Variants in CINP observed in about 807,000 individuals in gnomAD.
CINP encodes the protein cyclin-dependent kinase 2-interacting protein.
In CINP, 11 loss-of-function variants were observed where a neutral mutation model predicts 20.5. The ratio of observed to expected loss-of-function variants is 0.54; its 90% CI spans 0.34 to 0.89. The LOEUF (loss-of-function observed/expected upper bound fraction) is 0.89, where lower values mean the gene tolerates loss of function less well. CINP is among the 40% of genes least tolerant of loss of function. CINP has a pLI of 0.02. For missense variants in CINP, 213 were observed against 251.0 expected, an observed-to-expected ratio of 0.85 and a Z score of 1.02; for synonymous variants, 108 against 102.1, an observed-to-expected ratio of 1.06 and a Z score of -0.35.
At chr14:102,350,639 C>T (rs983796944) in intron 3 of CINP, among the ~76,000 whole-genome samples, 10 of 151,540 alleles carry the variant, frequency 6.6e-5, no homozygotes, top group Admixed American at 3.9e-4. Context: ...TACAGGCATG[C>T]GCCACCGCGC....
chr14:102,353,453 C>T (rs1886919241), intron 3 of CINP, among the ~76,000 whole-genome samples: 1 of 150,204 alleles, frequency 6.7e-6, no homozygotes, highest in Non-Finnish European at 1.5e-5. Context: ...GGTGGGAGCA[C>T]TGCTTGAGCC....
intron 1 of CINP, among the ~76,000 whole-genome samples, chr14:102,362,421 A>G (rs946742739): frequency 3.9e-5 from 6 of 152,156 alleles, no homozygotes; most frequent in African/African-American, 1.2e-4. Context: ...AGCAGTACTC[A>G]GCAAACTGAG....
At chr14:102,353,089 A>G (rs903001538) in intron 3 of CINP, among the ~76,000 whole-genome samples, 2 of 151,406 alleles carry the variant, frequency 1.3e-5, no homozygotes, top group East Asian at 2.0e-4. Context: ...GTGGGCAGAG[A>G]TCACCCCACT....
intron 3 of CINP, chr14:102,352,420 T>G: frequency 2.2e-6 from 1 of 449,062 alleles, no homozygotes; most frequent in Non-Finnish European, 4.5e-6. Flanking sequence ...GGCCCTTACA[T>G]TTCAACATCG....
In CINP at chr14:102,359,596, G is replaced by GTATA. The variant is rs759890397; in HGVS notation, c.8-13_8-10dup. ...AGTTCCAAGAGTCTTTGCTGATAGGGTATAAAAGAAACAAAATTATTATCA... is the reference window on the plus strand; with the variant it reads ...AGTTCCAAGAGTCTTTGCTGATAGGGTATATATAAAAGAAACAAAATTATTATCA... On this transcript the variant is annotated splice_polypyrimidine_tract_variant and intron_variant, in intron 1 of 4. Transcript: ENST00000216756. 20 of 1,593,816 alleles carry GTATA rather than the reference G, an allele frequency of 1.3e-5. No individual in the cohort carries two copies. The highest frequency in any genetic ancestry group is 1.5e-5 in the Non-Finnish European group (18 of 1,170,262).
intron 1 of CINP, among the ~76,000 whole-genome samples, chr14:102,359,970 A>G (rs1361424410): frequency 2.6e-5 from 4 of 152,114 alleles, no homozygotes; most frequent in Admixed American, 2.0e-4. Context: ...TACTTCCACT[A>G]TCTAGTCTCA....
chr14:102,350,503 C>T (rs1886842079), intron 3 of CINP, among the ~76,000 whole-genome samples: 1 of 151,042 alleles, frequency 6.6e-6, no homozygotes, highest in Non-Finnish European at 1.5e-5. Context: ...CACAGGTGTG[C>T]ACCACCACAC....
chr14:102,362,583 G>A lies in CINP; in HGVS notation c.7+262C>T, dbSNP rs965295949. 4 of 705,502 alleles carry A rather than the reference G, an allele frequency of 5.7e-6. No homozygotes were observed. In the African/African-American group the frequency reaches 7.0e-5, roughly 12 times the overall value. 43.7% of individuals were successfully genotyped at this position (705,502 alleles called of 1,614,324 possible). A position where few individuals can be genotyped will look rare whatever the true frequency, so the allele number is the denominator to read the frequency against. On this transcript the variant is annotated intron_variant, in intron 1 of 4. Coordinates refer to ENST00000216756, the MANE Select transcript of CINP (RefSeq NM_032630.3). ...TAGTGACAATAATTACAATTTGGAT[G>A]TCGGATCTGCTGACACTCATTTGCG...
Position 102,362,886 on chromosome 14 carries a change from G to A in CINP, c.-35C>T, listed in dbSNP as rs1344362141. The A allele has an allele frequency of 6.2e-7, 1 of 1,613,558 alleles. No individual in the cohort carries two copies. The highest frequency in any genetic ancestry group is 1.1e-5 in the South Asian group (1 of 91,000). ...AGATATCCGTAGAAGGAGACGCGAA[G>A]CCCCGCCCACCCCACCGGAAACGCA... On this transcript the variant is annotated 5_prime_UTR_variant, in exon 1 of 5. Transcript: ENST00000216756.
At position 102,351,767 on chromosome 14, in the gene CINP, G is replaced by A. The variant is rs117445021; in HGVS notation, c.307-1719C>T. Among the ~76,000 whole-genome samples, 2,090 of 152,284 alleles carry A rather than the reference G, an allele frequency of 0.014. 20 individuals carry two copies. Among genetic ancestry groups the A allele is most frequent in the Middle Eastern group, 0.051 (15 of 292 alleles). On this transcript the variant is annotated intron_variant, in intron 3 of 4. Transcript: ENST00000216756. The surrounding 1 kb of genome is among the most constrained non-coding windows in gnomAD (Gnocchi z 4.2). ...GATATTTTATTTGGCCCAACCCCAA[G>A]AGGCAGGACTTGTCATTTCCGTTTC...
In CINP at chr14:102,350,055, G is replaced by T. The variant is rs772048375; in HGVS notation, c.307-7C>A. The T allele has an allele frequency of 6.2e-7, 1 of 1,607,354 alleles. No individual in the cohort carries two copies. The highest frequency in any genetic ancestry group is 8.5e-7 in the Non-Finnish European group (1 of 1,175,758). On this transcript the variant is annotated splice_polypyrimidine_tract_variant and splice_region_variant and intron_variant, in intron 3 of 4. Coordinates refer to ENST00000216756, the MANE Select transcript of CINP (RefSeq NM_032630.3). ...TTTTCACCTGTATTTTGGTCTGAAA[G>T]ATATCCATTTGGAATATGATAATAT...
At position 102,348,657 on chromosome 14, in the gene CINP, A is replaced by G. The variant is rs1437228841; in HGVS notation, c.539T>C (p.Leu180Pro). The G allele has an allele frequency of 6.2e-7, 1 of 1,613,904 alleles. No individual in the cohort carries two copies. The highest frequency in any genetic ancestry group is 1.3e-5 in the African/African-American group (1 of 75,072). Reference protein sequence around the residue: ...LAHTGDPDLTLSYLSMWLHQP... With the variant: ...LAHTGDPDLTPSYLSMWLHQP... ...GTGCAGCCACATGGACAGGTAGCTC[A>G]GGGTGAGGTCGGGATCCCCGGTGTG... Residue 180 changes from leucine to proline, a missense_variant, in exon 5 of 5, where the codon CTG (leucine) becomes CCG (proline). Coordinates refer to ENST00000216756, the MANE Select transcript of CINP (RefSeq NM_032630.3).
In CINP at chr14:102,351,995, C is replaced by T. The variant is rs1886880619; in HGVS notation, c.307-1947G>A. On this transcript the variant is annotated intron_variant, in intron 3 of 4. Coordinates refer to ENST00000216756, the MANE Select transcript of CINP (RefSeq NM_032630.3). The surrounding 1 kb of genome is among the most constrained non-coding windows in gnomAD (Gnocchi z 4.2). ...CGCCTCCCGGGTTCATGCCATTCTC[C>T]TGCCTCAGCCTCCCAAGTAGCTGGG... Among the ~76,000 whole-genome samples the T allele has an allele frequency of 6.6e-6, 1 of 152,158 alleles. No individual in the cohort carries two copies. Among genetic ancestry groups the T allele is most frequent in the African/African-American group, 2.4e-5 (1 of 41,434 alleles).
Position 102,348,775 on chromosome 14 carries a change from A to G in CINP, c.437-16T>C. ...GAAACCTCATCTGAAAGAAACGTGAATCTCCCTTAATGGCAGTGATTCAAG... is the reference window on the plus strand; with the variant it reads ...GAAACCTCATCTGAAAGAAACGTGAGTCTCCCTTAATGGCAGTGATTCAAG... On this transcript the variant is annotated splice_polypyrimidine_tract_variant and intron_variant, in intron 4 of 4. Coordinates refer to ENST00000216756, the MANE Select transcript of CINP (RefSeq NM_032630.3). 2 of 1,606,236 alleles carry G rather than the reference A, an allele frequency of 1.2e-6. No individual in the cohort carries two copies. The highest frequency in any genetic ancestry group is 1.7e-6 in the Non-Finnish European group (2 of 1,174,880).
chr14:102,348,846 T>C, intron 4 of CINP, 87 bp from the exon 5 acceptor site: 2 of 1,271,644 alleles, frequency 1.6e-6, no homozygotes, highest in Non-Finnish European at 1.1e-6. Flanking sequence ...CAGCTCTTGA[T>C]TAAAAACCAG....
intron 2 of CINP, among the ~76,000 whole-genome samples, 196 bp downstream of exon 2, chr14:102,359,223 A>T (rs1459086305): frequency 3.9e-4 from 21 of 53,896 alleles, no homozygotes; most frequent in African/African-American, 1.1e-3. Flanking sequence ...TAAATAAATA[A>T]CTAAATATAT....
intron 4 of CINP, 133 bp downstream of exon 4, chr14:102,349,786 C>T: frequency 9.2e-7 from 1 of 1,084,142 alleles, no homozygotes; most frequent in Non-Finnish European, 1.4e-6. Context: ...ATGCCTCTGT[C>T]TCCTTTCCTC....
At chr14:102,355,928 A>G in intron 2 of CINP, 31 bp from the exon 3 acceptor site, 1 of 1,610,184 alleles carries the variant, frequency 6.2e-7, no homozygotes, top group Middle Eastern at 1.7e-4. Flanking sequence ...TGTGTACAAA[A>G]TATACTCTTT....
At chr14:102,354,825 T>G (rs921590985) in intron 3 of CINP, among the ~76,000 whole-genome samples, 3 of 151,622 alleles carry the variant, frequency 2.0e-5, no homozygotes, top group African/African-American at 7.3e-5. Context: ...ATCCCAGCAG[T>G]TTGGGAGGCC....
Sources: allele counts gnomAD v4.1 joint callset (sites outside exome capture counted in the v4.1 genomes callset), GRCh38; gene constraint gnomAD v4.1.1; non-coding constraint Gnocchi (gnomAD v3.1); transcripts MANE v1.5; gene names NCBI Gene and HGNC (gene_info 2026-07-23, HGNC 2026-07-21).